Variants in MOB3B observed in about 807,000 individuals in gnomAD.
The protein encoded by MOB3B is MOB kinase activator 3B.
In MOB3B, 7 loss-of-function variants were observed where a neutral mutation model predicts 18.7. That is an observed-to-expected ratio of 0.37 (90% confidence interval 0.21 to 0.70). MOB3B has a LOEUF of 0.70. Ranked by LOEUF, MOB3B falls within the 30% of genes least tolerant of loss-of-function variation. The probability of loss-of-function intolerance (pLI) is 0.52; values close to 1 mark genes in which losing one functional copy is unlikely to be tolerated. For missense variants in MOB3B, 253 were observed against 281.3 expected (o/e 0.90, Z 0.72); for synonymous variants, 111 against 99.9 (o/e 1.11, Z -0.66).
intron 1 of MOB3B, among the ~76,000 whole-genome samples, chr9:27,518,832 T>G (rs534546108): frequency 6.4e-4 from 98 of 152,314 alleles, no homozygotes; most frequent in Non-Finnish European, 1.3e-3. Context: ...TGAATCAGAT[T>G]TGAGAACTAT....
At chr9:27,380,331 C>G (rs1237512061) in intron 2 of MOB3B, among the ~76,000 whole-genome samples, 2 of 142,932 alleles carry the variant, frequency 1.4e-5, no homozygotes, top group Non-Finnish European at 3.0e-5. Flanking sequence ...GTGGCATGAT[C>G]TTGGCTCACT....
At chr9:27,456,055 A>G (rs1822864677) in intron 1 of MOB3B, among the ~76,000 whole-genome samples, 1 of 152,202 alleles carries the variant, frequency 6.6e-6, no homozygotes, top group African/African-American at 2.4e-5. Context: ...ATGTTGATCA[A>G]TGGCCTGATC....
At chr9:27,449,902 T>C (rs1822756159) in intron 2 of MOB3B, among the ~76,000 whole-genome samples, 1 of 149,998 alleles carries the variant, frequency 6.7e-6, no homozygotes. Context: ...CACTTGAACC[T>C]GGGAAGCGGA....
At chr9:27,365,173 A>AAAAAAAAAAAAAAAAAAAAAAAC (rs1821325563) in intron 2 of MOB3B, among the ~76,000 whole-genome samples, 1 of 151,258 alleles carries the variant, frequency 6.6e-6, no homozygotes. Context: ...AAAAAAAAAA[A>AAAAAAAAAAAAAAAAAAAAAAAC]AAGAAAACCC....
chr9:27,443,099 A>G (rs1171320018), intron 2 of MOB3B, among the ~76,000 whole-genome samples: 1 of 152,150 alleles, frequency 6.6e-6, no homozygotes, highest in African/African-American at 2.4e-5. Flanking sequence ...TGATTCACTA[A>G]ATATAGGGTG....
At chr9:27,509,511 G>A (rs563881210) in intron 1 of MOB3B, among the ~76,000 whole-genome samples, 60 of 152,228 alleles carry the variant, frequency 3.9e-4, no homozygotes, top group African/African-American at 1.3e-3. Flanking sequence ...CCGCCTCCTG[G>A]GTTCAAGCGA....
At chr9:27,485,669 CTCT>C (rs1369997202) in intron 1 of MOB3B, among the ~76,000 whole-genome samples, 1 of 152,188 alleles carries the variant, frequency 6.6e-6, no homozygotes, top group Non-Finnish European at 1.5e-5. Context: ...TGGAAAATTA[CTCT>C]TCTTTAAAAC....
intron 1 of MOB3B, among the ~76,000 whole-genome samples, chr9:27,513,226 C>G (rs535973078): frequency 6.6e-6 from 1 of 152,132 alleles, no homozygotes; most frequent in African/African-American, 2.4e-5. Context: ...CCCTAAGTAA[C>G]GTACTAACAA....
chr9:27,463,111 T>C (rs369380823), intron 1 of MOB3B, among the ~76,000 whole-genome samples: 2 of 152,306 alleles, frequency 1.3e-5, no homozygotes, highest in South Asian at 4.1e-4. Flanking sequence ...ATCATGTTCA[T>C]CATTTGAATC....
intron 2 of MOB3B, among the ~76,000 whole-genome samples, chr9:27,451,875 G>T (rs1014128562): frequency 3.3e-5 from 5 of 152,190 alleles, no homozygotes; most frequent in Non-Finnish European, 5.9e-5. Context: ...GGAGGAAATG[G>T]AGTGTAACAG....
At chr9:27,330,720 G>T in intron 3 of MOB3B, 104 bp from the exon 4 acceptor site, 2 of 1,510,020 alleles carry the variant, frequency 1.3e-6, no homozygotes, top group Non-Finnish European at 1.8e-6. Flanking sequence ...GCCTGTAAAT[G>T]AAAGCTTGCA....
intron 2 of MOB3B, among the ~76,000 whole-genome samples, chr9:27,411,313 C>G (rs10738771): frequency 6.6e-6 from 1 of 151,980 alleles, no homozygotes; most frequent in African/African-American, 2.4e-5. Context: ...CTTCATCCCA[C>G]GCAAGGTTCA....
At chr9:27,419,594 C>CT (rs1288293273) in intron 2 of MOB3B, among the ~76,000 whole-genome samples, 1 of 152,158 alleles carries the variant, frequency 6.6e-6, no homozygotes, top group Non-Finnish European at 1.5e-5. Context: ...GGATAATTGG[C>CT]TAGCCACAAG....
At chr9:27,343,141 T>C (rs561585216) in intron 3 of MOB3B, among the ~76,000 whole-genome samples, 36 of 151,904 alleles carry the variant, frequency 2.4e-4, no homozygotes, top group Non-Finnish European at 4.6e-4. Flanking sequence ...GAAAAAGTCT[T>C]CTGCCTTGGG....
intron 2 of MOB3B, 26 bp from the exon 3 acceptor site, chr9:27,359,262 A>G (rs1821237992): frequency 1.3e-6 from 2 of 1,593,522 alleles, no homozygotes; most frequent in Non-Finnish European, 8.6e-7. Flanking sequence ...AGAAGAAAGA[A>G]TGAAACCATG....
At chr9:27,395,269 A>T (rs1821782522) in intron 2 of MOB3B, among the ~76,000 whole-genome samples, 1 of 152,206 alleles carries the variant, frequency 6.6e-6, no homozygotes, top group Non-Finnish European at 1.5e-5. Context: ...ATACTGTATT[A>T]TGTACTTGAA....
chr9:27,505,740 G>A (rs990915829), intron 1 of MOB3B, among the ~76,000 whole-genome samples: 10 of 152,244 alleles, frequency 6.6e-5, no homozygotes, highest in African/African-American at 2.2e-4. Flanking sequence ...TCTTGCACCA[G>A]CCCTTGGATG....
At chr9:27,383,217 C>A (rs115149180) in intron 2 of MOB3B, among the ~76,000 whole-genome samples, 4 of 152,088 alleles carry the variant, frequency 2.6e-5, no homozygotes, top group Non-Finnish European at 5.9e-5. Context: ...AATAACAGAA[C>A]CTCACCCACA....
At chr9:27,473,299 C>A (rs1220787816) in intron 1 of MOB3B, among the ~76,000 whole-genome samples, 1 of 152,130 alleles carries the variant, frequency 6.6e-6, no homozygotes, top group African/African-American at 2.4e-5. Flanking sequence ...AATGTGAGTA[C>A]AATCTGCCCA....
Sources: gnomAD v4.1 joint callset for allele counts (sites outside exome capture counted in the v4.1 genomes callset) on GRCh38, gnomAD v4.1.1 for gene constraint, MANE v1.5 for transcripts, NCBI Gene and HGNC (gene_info 2026-07-23, HGNC 2026-07-21) for gene names.